The following NCK1 variants were observed in gnomAD, a reference collection of about 807,000 sequenced individuals.
NCK1 encodes NCK adaptor protein 1, also known as SH2/SH3 adapter protein NCK1.
In NCK1, 19 loss-of-function variants were observed where a neutral mutation model predicts 36.6. The ratio of observed to expected loss-of-function variants is 0.52; its 90% CI spans 0.36 to 0.76. The LOEUF (loss-of-function observed/expected upper bound fraction) is 0.76, where lower values mean the gene tolerates loss of function less well. Among genes scored for constraint, NCK1 ranks in the 30% least tolerant of loss-of-function variants. NCK1 has a pLI of 0.00. For missense variants in NCK1, 358 were observed against 445.6 expected, an observed-to-expected ratio of 0.80 and a Z score of 1.77; for synonymous variants, 165 against 156.0, an observed-to-expected ratio of 1.06 and a Z score of -0.43.
intron 2 of NCK1, among the ~76,000 whole-genome samples, chr3:136,944,379 G>A (rs942539154): frequency 6.6e-6 from 1 of 151,994 alleles, no homozygotes; most frequent in Non-Finnish European, 1.5e-5. Flanking sequence ...CAGCCTCCCA[G>A]AATGCTGGGA....
At chr3:136,925,671 A>G (rs1184755213) in intron 1 of NCK1, among the ~76,000 whole-genome samples, 3 of 152,166 alleles carry the variant, frequency 2.0e-5, no homozygotes, top group African/African-American at 7.2e-5. Flanking sequence ...CTGGAGATTC[A>G]TCCAGGTCGT....
chr3:136,920,752 T>C (rs183517766), intron 1 of NCK1, among the ~76,000 whole-genome samples: 2 of 152,302 alleles, frequency 1.3e-5, no homozygotes, highest in East Asian at 3.9e-4. Context: ...CAATTAGATA[T>C]AAACCACCAA....
chr3:136,897,667 G>C (rs1037557117), intron 1 of NCK1, among the ~76,000 whole-genome samples: 1 of 152,100 alleles, frequency 6.6e-6, no homozygotes, highest in African/African-American at 2.4e-5. Flanking sequence ...CTCCCATTCA[G>C]CAGATTGTCT....
intron 1 of NCK1, chr3:136,899,920 T>G (rs1939495977): frequency 7.7e-6 from 7 of 905,750 alleles, no homozygotes; most frequent in South Asian, 6.7e-5. Flanking sequence ...TTCTGGAGAT[T>G]GTTCAAATTA....
intron 1 of NCK1, among the ~76,000 whole-genome samples, chr3:136,896,835 T>C (rs1939404589): frequency 6.6e-6 from 1 of 151,772 alleles, no homozygotes; most frequent in African/African-American, 2.4e-5. Context: ...GTTGATTACA[T>C]ATATTTGCTA....
chr3:136,919,056 A>G (rs900290783), intron 1 of NCK1, among the ~76,000 whole-genome samples: 2 of 152,260 alleles, frequency 1.3e-5, no homozygotes, highest in Admixed American at 6.5e-5. Context: ...GATTTACACA[A>G]CACAAATGAA....
intron 1 of NCK1, among the ~76,000 whole-genome samples, chr3:136,921,336 C>T (rs1940104081): frequency 6.6e-6 from 1 of 152,130 alleles, no homozygotes; most frequent in African/African-American, 2.4e-5. Context: ...GGACGTGCTC[C>T]AGCAAAATGA....
chr3:136,948,241 CTT>C lies in NCK1; in HGVS notation c.940-11_940-10del, dbSNP rs761937235. The C allele has an allele frequency of 1.3e-6, 2 of 1,558,538 alleles. No homozygotes were observed. Among genetic ancestry groups the C allele is most frequent in the Admixed American group, 4.1e-5 (2 of 48,968 alleles). On this transcript the variant is annotated splice_polypyrimidine_tract_variant and intron_variant, in intron 3 of 3. Transcript: ENST00000481752. ...CTTTCAAAATGTTTACTATATGTAT[CTT>C]TTTTTTCTCTTTTAGCCAAATGATT... is the stretch of plus-strand genomic sequence containing the variant.
chr3:136,909,874 T>G (rs1382783441), intron 1 of NCK1, among the ~76,000 whole-genome samples: 1 of 152,220 alleles, frequency 6.6e-6, no homozygotes, highest in East Asian at 1.9e-4. Flanking sequence ...CTATGTTGTC[T>G]GATGTTAATA....
rs938701399 is a variant in NCK1, at chr3:136,951,142, G to A, written c.*2689G>A. Among the ~76,000 whole-genome samples the A allele has an allele frequency of 6.6e-6, 1 of 152,170 alleles. No homozygotes were observed. The highest frequency in any genetic ancestry group is 2.4e-5 in the African/African-American group (1 of 41,438). On this transcript the variant is annotated 3_prime_UTR_variant, in exon 4 of 4. Transcript: ENST00000481752. ...TGGGCAACTTGGGTTGTTAGAATAA[G>A]GTCATTCTTGCAGAATATGGCACTT...
intron 1 of NCK1, among the ~76,000 whole-genome samples, chr3:136,884,257 G>T (rs759063912): frequency 4.6e-5 from 7 of 152,148 alleles, no homozygotes; most frequent in Non-Finnish European, 8.8e-5. Context: ...GAAACCAGCA[G>T]TTTCAAGAAA....
intron 1 of NCK1, among the ~76,000 whole-genome samples, chr3:136,917,543 C>G (rs1447905517): frequency 6.6e-6 from 1 of 152,114 alleles, no homozygotes; most frequent in East Asian, 1.9e-4. Context: ...ACCTTATAGC[C>G]CATGTAACCA....
At chr3:136,868,935 C>G (rs1428330428) in intron 1 of NCK1, among the ~76,000 whole-genome samples, 2 of 152,078 alleles carry the variant, frequency 1.3e-5, no homozygotes, top group African/African-American at 4.8e-5. Context: ...TTGAGCAAGA[C>G]AAGACAAAAT....
chr3:136,951,030 C>T lies in NCK1; in HGVS notation c.*2577C>T, dbSNP rs1460753170. On this transcript the variant is annotated 3_prime_UTR_variant, in exon 4 of 4. Transcript: ENST00000481752. ...CTATACAGTTAACACATGCACCTTGCACTATTAGTGACAAATAATACTGCT... is the reference window on the plus strand; with the variant it reads ...CTATACAGTTAACACATGCACCTTGTACTATTAGTGACAAATAATACTGCT... 1.3e-5 allele frequency among the ~76,000 whole-genome samples: 2 copies of T among 152,138 alleles called. No individual in the cohort carries two copies. Among genetic ancestry groups the T allele is most frequent in the Non-Finnish European group, 2.9e-5 (2 of 68,006 alleles).
chr3:136,872,314 C>T (rs1938647857), intron 1 of NCK1, among the ~76,000 whole-genome samples: 1 of 152,168 alleles, frequency 6.6e-6, no homozygotes, highest in Non-Finnish European at 1.5e-5. Context: ...AGCAAAGAAA[C>T]TGGCAACATT....
chr3:136,884,419 G>A (rs777580097), intron 1 of NCK1, among the ~76,000 whole-genome samples: 8 of 152,162 alleles, frequency 5.3e-5, no homozygotes, highest in Admixed American at 1.3e-4. Flanking sequence ...TAATGAGAAT[G>A]ATAGAGTACA....
At chr3:136,921,927 G>A (rs868297093) in intron 1 of NCK1, among the ~76,000 whole-genome samples, 32 of 152,162 alleles carry the variant, frequency 2.1e-4, no homozygotes, top group Admixed American at 1.2e-3. Flanking sequence ...GGGACTACAG[G>A]CACGCACCAC....
intron 1 of NCK1, among the ~76,000 whole-genome samples, chr3:136,905,966 G>T (rs1013370664): frequency 8.1e-6 from 1 of 123,948 alleles, no homozygotes; most frequent in Non-Finnish European, 1.7e-5. Flanking sequence ...AATTATTGTG[G>T]TCTTTTGGCG....
chr3:136,948,490 T>C lies in NCK1; in HGVS notation c.*37T>C. ...AGAAGTGACTGCTGTGTAGCTGTAA[T>C]TTGTCATGTAATTGAAGACTGAGAA... On this transcript the variant is annotated 3_prime_UTR_variant, in exon 4 of 4. Transcript: ENST00000481752. 6.4e-7 allele frequency: 1 copy of C among 1,558,708 alleles called. No homozygotes were observed. The highest frequency in any genetic ancestry group is 1.2e-5 in the South Asian group (1 of 85,252).
Sources: gnomAD v4.1 joint callset for allele counts (sites outside exome capture counted in the v4.1 genomes callset) on GRCh38, gnomAD v4.1.1 for gene constraint, MANE v1.5 for transcripts, NCBI Gene and HGNC (gene_info 2026-07-23, HGNC 2026-07-21) for gene names.